The following ANTXR1 variants were observed in gnomAD, a reference collection of about 807,000 sequenced individuals.
ANTXR1 encodes anthrax toxin receptor 1.
Under a neutral mutation model 78.1 loss-of-function variants are expected in ANTXR1, and 19 were observed. The observed-to-expected ratio is 0.24, with a 90% CI of 0.17 to 0.36. The LOEUF (loss-of-function observed/expected upper bound fraction) is 0.36, where lower values mean the gene tolerates loss of function less well. Ranked by LOEUF, ANTXR1 falls within the 10% of genes least tolerant of loss-of-function variation. The probability of loss-of-function intolerance (pLI) is 1.00; values close to 1 mark genes in which losing one functional copy is unlikely to be tolerated. For synonymous variants in ANTXR1, 273 were observed against 260.5 expected, an observed-to-expected ratio of 1.05 and a Z score of -0.46; for missense variants, 518 against 718.6, an observed-to-expected ratio of 0.72 and a Z score of 3.19.
rs543304988 is a variant in ANTXR1, at chr2:69,072,724, C to T, written c.413-298C>T. On this transcript the variant is annotated intron_variant, in intron 5 of 17. Transcript: ENST00000303714. ...TGTGTCTGCTAATAGAAAATAATCA[C>T]ACTTGATTCACCGGTGCTACTCCCA... 2.6e-5 allele frequency among the ~76,000 whole-genome samples: 4 copies of T among 152,352 alleles called. No homozygotes were observed. The East Asian group carries it at 7.7e-4, about 29-fold the overall frequency.
intron 16 of ANTXR1, among the ~76,000 whole-genome samples, chr2:69,185,399 G>C (rs1487327310): frequency 6.6e-6 from 1 of 152,100 alleles, no homozygotes; most frequent in East Asian, 1.9e-4. Context: ...AATTAGCTGG[G>C]CGTGGTTGTG....
chr2:69,071,865 T>TA (rs1670578048), intron 5 of ANTXR1, 78 bp downstream of exon 5: 5 of 1,298,376 alleles, frequency 3.9e-6, no homozygotes, highest in Non-Finnish European at 5.6e-6. Flanking sequence ...GCTTCAGTCA[T>TA]TTCATGTTTC....
intron 12 of ANTXR1, 30 bp downstream of exon 12, chr2:69,124,673 A>T (rs1419609590): frequency 6.2e-7 from 1 of 1,606,814 alleles, no homozygotes; most frequent in Non-Finnish European, 8.5e-7. Flanking sequence ...TTTACTAAAG[A>T]TCTCATTATC....
At chr2:69,161,480 C>T (rs137967140) in intron 13 of ANTXR1, among the ~76,000 whole-genome samples, 1 of 152,216 alleles carries the variant, frequency 6.6e-6, no homozygotes, top group Admixed American at 6.5e-5. Context: ...CTTTGCTAAA[C>T]TTTTACAGTG....
At chr2:69,214,135 C>T (rs1229276603) in intron 17 of ANTXR1, among the ~76,000 whole-genome samples, 1 of 152,240 alleles carries the variant, frequency 6.6e-6, no homozygotes, top group Non-Finnish European at 1.5e-5. Context: ...TCCATAACAG[C>T]CTGGTCCAGG....
At chr2:69,232,318 A>T (rs1037699261) in intron 17 of ANTXR1, among the ~76,000 whole-genome samples, 2 of 152,150 alleles carry the variant, frequency 1.3e-5, no homozygotes, top group Admixed American at 1.3e-4. Flanking sequence ...ATCAACTATA[A>T]CTTAGGCCAC....
At chr2:69,129,749 C>CAA (rs375857337) in intron 12 of ANTXR1, among the ~76,000 whole-genome samples, 2 of 119,766 alleles carry the variant, frequency 1.7e-5, no homozygotes, top group Non-Finnish European at 3.7e-5. Flanking sequence ...GACTCCATCT[C>CAA]AAAAAAAAAA....
Position 69,188,019 on chromosome 2 carries a change from A to G in ANTXR1, c.1354-5316A>G, listed in dbSNP as rs189581358. On this transcript the variant is annotated intron_variant, in intron 16 of 17. Coordinates refer to ENST00000303714, the MANE Select transcript of ANTXR1 (RefSeq NM_032208.3). ...AGGCAGACAAACCAGAAGAAAAGAT[A>G]CAACTGCTGCCTGGCAAAAAAAAAA... Among the ~76,000 whole-genome samples the G allele has an allele frequency of 2.0e-3, 290 of 145,118 alleles. 2 individuals are homozygous for G. The highest frequency in any genetic ancestry group is 7.3e-3 in the African/African-American group (277 of 38,124).
intron 17 of ANTXR1, among the ~76,000 whole-genome samples, chr2:69,196,503 A>G (rs1674670886): frequency 6.6e-6 from 1 of 152,196 alleles, no homozygotes; most frequent in Non-Finnish European, 1.5e-5. Flanking sequence ...TACTCAGGAA[A>G]GAATTCCAGG....
intron 12 of ANTXR1, among the ~76,000 whole-genome samples, chr2:69,134,002 G>A (rs892053076): frequency 1.3e-5 from 2 of 152,192 alleles, no homozygotes; most frequent in African/African-American, 2.4e-5. Flanking sequence ...CCCAATCTTA[G>A]TTTTCTTGTA....
intron 10 of ANTXR1, among the ~76,000 whole-genome samples, chr2:69,110,723 A>G (rs1301004449): frequency 1.3e-5 from 2 of 152,042 alleles, no homozygotes; most frequent in Non-Finnish European, 2.9e-5. Flanking sequence ...TCAGCCAGGC[A>G]TGGTGGTGCG....
chr2:69,080,941 T>C (rs1670881178), intron 8 of ANTXR1, among the ~76,000 whole-genome samples: 1 of 152,052 alleles, frequency 6.6e-6, no homozygotes, highest in South Asian at 2.1e-4. Flanking sequence ...CCAAGGACAA[T>C]AGGAAACTAT....
At chr2:69,237,624 G>T (rs1675798191) in intron 17 of ANTXR1, among the ~76,000 whole-genome samples, 1 of 152,152 alleles carries the variant, frequency 6.6e-6, no homozygotes, top group Admixed American at 6.5e-5. Context: ...GTCTCACTGT[G>T]TTGCCAGGCT....
chr2:69,185,108 G>T (rs756961012), intron 16 of ANTXR1, among the ~76,000 whole-genome samples: 1 of 152,146 alleles, frequency 6.6e-6, no homozygotes, highest in East Asian at 1.9e-4. Flanking sequence ...GGCTCTCAAA[G>T]GTGGTCCCTG....
intron 17 of ANTXR1, among the ~76,000 whole-genome samples, chr2:69,225,078 G>A (rs2104514826): frequency 6.6e-6 from 1 of 152,102 alleles, no homozygotes; most frequent in South Asian, 2.1e-4. Flanking sequence ...GCACACTTTG[G>A]TCCTTTTGCC....
chr2:69,075,732 A>G, intron 7 of ANTXR1, 74 bp downstream of exon 7: 2 of 1,352,148 alleles, frequency 1.5e-6, no homozygotes. Context: ...CAGTCAGTGC[A>G]GAGGGAAGAT....
rs1359731656 is a variant in ANTXR1 at position 69,102,956 on chromosome 2, G to C, written c.802+16G>C. On this transcript the variant is annotated intron_variant, in intron 10 of 17. Transcript: ENST00000303714. ...GTCACACTCAGTAAGTCCTTGCAGA[G>C]TCCATGGGTTTCTTCGACAAGTGGC... The C allele has an allele frequency of 3.7e-6, 6 of 1,612,846 alleles. No homozygotes were observed. The highest frequency in any genetic ancestry group is 5.1e-6 in the Non-Finnish European group (6 of 1,178,844).
chr2:69,140,846 G>C (rs749629550), intron 12 of ANTXR1, among the ~76,000 whole-genome samples: 1 of 152,104 alleles, frequency 6.6e-6, no homozygotes, highest in African/African-American at 2.4e-5. Flanking sequence ...CAAAGGTTTA[G>C]GTACCTAATA....
At chr2:69,018,092 G>C (rs747378022) in intron 1 of ANTXR1, among the ~76,000 whole-genome samples, 14 of 152,100 alleles carry the variant, frequency 9.2e-5, no homozygotes, top group Non-Finnish European at 1.9e-4. Flanking sequence ...AGTGGAGATG[G>C]TGGTCTGGAA....
Sources: gnomAD v4.1 joint callset for allele counts (sites outside exome capture counted in the v4.1 genomes callset) on GRCh38, gnomAD v4.1.1 for gene constraint, MANE v1.5 for transcripts, NCBI Gene and HGNC (gene_info 2026-07-23, HGNC 2026-07-21) for gene names.